The following VPS13B variants were observed in gnomAD, a reference collection of about 807,000 sequenced individuals.
VPS13B encodes vacuolar protein sorting 13 homolog B.
A neutral mutation model predicts 426.4 loss-of-function variants in VPS13B; 285 were observed. The observed-to-expected ratio is 0.67, with a 90% CI of 0.61 to 0.74. VPS13B has a LOEUF of 0.74. VPS13B is among the 30% of genes least tolerant of loss of function. The pLI is 0.00. For synonymous variants in VPS13B, 1,676 were observed against 1,676.4 expected (o/e 1.00, Z 0.01); for missense variants, 4,537 against 4,782.6 (o/e 0.95, Z 1.51).
At chr8:99,754,409 G>A (rs951859202) in intron 39 of VPS13B, among the ~76,000 whole-genome samples, 1 of 152,090 alleles carries the variant, frequency 6.6e-6, no homozygotes, top group Non-Finnish European at 1.5e-5. Context: ...ATAACTGATT[G>A]TAAGAAATAC....
At chr8:99,721,141 A>G (rs2130344667) in intron 39 of VPS13B, 94 bp downstream of exon 39, 1 of 1,267,246 alleles carries the variant, frequency 7.9e-7, no homozygotes, top group East Asian at 2.3e-5. Flanking sequence ...TACTTCTTAC[A>G]TTAATAGTAT....
At chr8:99,781,485 C>T (rs984228327) in intron 42 of VPS13B, among the ~76,000 whole-genome samples, 7 of 152,018 alleles carry the variant, frequency 4.6e-5, no homozygotes, top group Admixed American at 1.3e-4. Context: ...TATGATGTGA[C>T]GTCAAATACA....
At chr8:99,744,077 C>T (rs1372583269) in intron 39 of VPS13B, among the ~76,000 whole-genome samples, 2 of 152,136 alleles carry the variant, frequency 1.3e-5, no homozygotes, top group Non-Finnish European at 2.9e-5. Context: ...ATCTACTCAT[C>T]TGACAAAGGG....
chr8:99,487,526 G>T (rs550299992), intron 25 of VPS13B, among the ~76,000 whole-genome samples: 2 of 152,056 alleles, frequency 1.3e-5, no homozygotes, highest in African/African-American at 4.8e-5. Context: ...CTCACAGTGC[G>T]TAGCATAACC....
chr8:99,444,926 G>A (rs1341916599), intron 23 of VPS13B, among the ~76,000 whole-genome samples: 2 of 151,934 alleles, frequency 1.3e-5, no homozygotes, highest in African/African-American at 4.8e-5. Flanking sequence ...TGGGATTATA[G>A]GTATTAGTCA....
intron 33 of VPS13B, among the ~76,000 whole-genome samples, chr8:99,631,345 A>T (rs1348146671): frequency 1.3e-5 from 2 of 152,096 alleles, no homozygotes; most frequent in Admixed American, 1.3e-4. Flanking sequence ...CATTGTCTCT[A>T]ATCATAGCCT....
chr8:99,717,045 C>T lies in VPS13B; in HGVS notation c.6455-126C>T, dbSNP rs112345022. On this transcript the variant is annotated intron_variant, in intron 36 of 61. Coordinates refer to ENST00000357162, the MANE Select transcript of VPS13B (RefSeq NM_152564.5). ...ATAAACGGCATGAAACGGTGGTGGA[C>T]TGCCAACCAAGCAAGACGACTCTGA... The T allele has an allele frequency of 4.8e-4, 436 of 916,100 alleles. 1 individual carries two copies. The African/African-American group carries it at 6.2e-3, about 13-fold the overall frequency. 56.7% of individuals were successfully genotyped at this position (916,100 alleles called of 1,614,324 possible). A position where few individuals can be genotyped will look rare whatever the true frequency, so the allele number is the denominator to read the frequency against.
At chr8:99,170,302 TGAGA>T in intron 16 of VPS13B, 139 bp downstream of exon 16, 2 of 1,067,176 alleles carry the variant, frequency 1.9e-6, no homozygotes, top group Non-Finnish European at 2.7e-6. Flanking sequence ...GTACTTTTAC[TGAGA>T]CACTAAAAGT....
At chr8:99,357,141 T>C (rs980201891) in intron 19 of VPS13B, among the ~76,000 whole-genome samples, 56 of 152,188 alleles carry the variant, frequency 3.7e-4, no homozygotes, top group African/African-American at 1.3e-3. Context: ...CTTTTCTGCA[T>C]CTGTATTTTC....
intron 3 of VPS13B, among the ~76,000 whole-genome samples, chr8:99,077,604 C>A (rs1448463444): frequency 6.6e-6 from 1 of 152,020 alleles, no homozygotes; most frequent in Non-Finnish European, 1.5e-5. Context: ...TGATTTTAGT[C>A]TAGTGGGGAT....
At chr8:99,624,504 TA>T (rs1828517799) in intron 33 of VPS13B, among the ~76,000 whole-genome samples, 1 of 152,174 alleles carries the variant, frequency 6.6e-6, no homozygotes, top group South Asian at 2.1e-4. Context: ...CCATCCCTGC[TA>T]TTTATAAAAT....
chr8:99,138,409 G>A (rs1445159007), intron 12 of VPS13B, among the ~76,000 whole-genome samples: 1 of 152,212 alleles, frequency 6.6e-6, no homozygotes, highest in Non-Finnish European at 1.5e-5. Flanking sequence ...TTATAGGCGT[G>A]AGCCACCGCA....
intron 21 of VPS13B, among the ~76,000 whole-genome samples, chr8:99,407,341 G>A (rs1815387104): frequency 6.6e-6 from 1 of 152,124 alleles, no homozygotes; most frequent in Non-Finnish European, 1.5e-5. Flanking sequence ...TTAGGATCAT[G>A]AATGATAATA....
intron 3 of VPS13B, among the ~76,000 whole-genome samples, chr8:99,091,172 G>T (rs1473827904): frequency 6.6e-6 from 1 of 152,150 alleles, no homozygotes; most frequent in South Asian, 2.1e-4. Flanking sequence ...GATGGCTAAT[G>T]GTTGAGTCAT....
chr8:99,736,412 A>G (rs928925128), intron 39 of VPS13B, among the ~76,000 whole-genome samples: 3 of 152,180 alleles, frequency 2.0e-5, no homozygotes, highest in Non-Finnish European at 4.4e-5. Context: ...GTCTCTACTA[A>G]AAATATGAAA....
At chr8:99,403,318 G>A (rs186892872) in intron 21 of VPS13B, among the ~76,000 whole-genome samples, 24 of 152,230 alleles carry the variant, frequency 1.6e-4, no homozygotes, top group Middle Eastern at 3.4e-3. Flanking sequence ...AGAGGTCGAG[G>A]TGGGCAGATC....
chr8:99,560,001 AT>A (rs1262859338), intron 31 of VPS13B, among the ~76,000 whole-genome samples: 17 of 152,106 alleles, frequency 1.1e-4, no homozygotes, highest in African/African-American at 1.7e-4. Context: ...CTTGGGCAGT[AT>A]GGCCATTTTC....
At chr8:99,266,403 C>G (rs991605818) in intron 17 of VPS13B, among the ~76,000 whole-genome samples, 3 of 151,714 alleles carry the variant, frequency 2.0e-5, no homozygotes, top group Admixed American at 6.6e-5. Context: ...CAGAGTGAGA[C>G]TCTGTCTCTT....
intron 30 of VPS13B, among the ~76,000 whole-genome samples, chr8:99,522,676 A>C (rs768868365): frequency 6.6e-6 from 1 of 152,072 alleles, no homozygotes; most frequent in Non-Finnish European, 1.5e-5. Flanking sequence ...GACCCTGTAG[A>C]CCAAGGTTAG....
Sources: allele counts gnomAD v4.1 joint callset (sites outside exome capture counted in the v4.1 genomes callset), GRCh38; gene constraint gnomAD v4.1.1; transcripts MANE v1.5; gene names NCBI Gene and HGNC (gene_info 2026-07-23, HGNC 2026-07-21).